The following STXBP5L variants were observed in gnomAD, a reference collection of about 807,000 sequenced individuals.
STXBP5L encodes the protein syntaxin-binding protein 5-like.
A neutral mutation model predicts 144.5 loss-of-function variants in STXBP5L; 65 were observed. The observed-to-expected ratio is 0.45, with a 90% CI of 0.37 to 0.55. The LOEUF is 0.55. Among genes scored for constraint, STXBP5L ranks in the 20% least tolerant of loss-of-function variants. STXBP5L has a pLI of 0.00. For missense variants in STXBP5L, 1,298 were observed against 1,405.5 expected, an observed-to-expected ratio of 0.92 and a Z score of 1.22; for synonymous variants, 505 against 469.6, an observed-to-expected ratio of 1.08 and a Z score of -0.97.
rs2107570705 is a variant in STXBP5L, at chr3:120,917,259, G to A, written c.189+7492G>A. 2.6e-5 allele frequency among the ~76,000 whole-genome samples: 4 copies of A among 151,692 alleles called. No homozygotes were observed. The South Asian group carries it at 8.3e-4, about 32-fold the overall frequency. On this transcript the variant is annotated intron_variant, in intron 2 of 26. Coordinates refer to ENST00000471454, the MANE Select transcript of STXBP5L (RefSeq NM_001308330.2). ...ATTAGGCCAAGAGGAAATTGATTAG[G>A]GTAAACATATTTTCAGTAAGGTGAT...
At chr3:121,090,702 G>T (rs2042736804) in intron 5 of STXBP5L, among the ~76,000 whole-genome samples, 1 of 152,038 alleles carries the variant, frequency 6.6e-6, no homozygotes, top group African/African-American at 2.4e-5. Context: ...TAATAACATT[G>T]TTGATCATGT....
chr3:121,263,554 A>G lies in STXBP5L; in HGVS notation c.1958+4386A>G, dbSNP rs112856252. Among the ~76,000 whole-genome samples the G allele has an allele frequency of 2.1e-3, 318 of 152,282 alleles. 2 individuals are homozygous for G. Among genetic ancestry groups the G allele is most frequent in the African/African-American group, 7.1e-3 (297 of 41,570 alleles). Reference sequence around the variant, plus strand: ...AAAGGAGCATGTTCTAACCCAATGCAGGGAAGCTAAGAACCTTGAGAAAAG... The same window carrying G: ...AAAGGAGCATGTTCTAACCCAATGCGGGGAAGCTAAGAACCTTGAGAAAAG... On this transcript the variant is annotated intron_variant, in intron 18 of 26. Coordinates refer to ENST00000471454, the MANE Select transcript of STXBP5L (RefSeq NM_001308330.2).
intron 11 of STXBP5L, among the ~76,000 whole-genome samples, chr3:121,231,778 TAAATA>T (rs1403098605): frequency 2.6e-5 from 4 of 152,200 alleles, no homozygotes; most frequent in Non-Finnish European, 5.9e-5. Context: ...GTCCCTCTAT[TAAATA>T]ATTTTCTAAT....
At position 121,373,832 on chromosome 3, in the gene STXBP5L, C is replaced by G. The variant is rs1278839902; in HGVS notation, c.2177-4884C>G. On this transcript the variant is annotated intron_variant, in intron 20 of 26. Coordinates refer to ENST00000471454, the MANE Select transcript of STXBP5L (RefSeq NM_001308330.2). ...ACTGGTCCTACTGGCCTGATGACAC[C>G]ACCAGTCTCTGTGCACTCCACTCAG... Among the ~76,000 whole-genome samples, 3 of 152,162 alleles carry G rather than the reference C, an allele frequency of 2.0e-5. No homozygotes were observed. The East Asian group carries it at 5.8e-4, about 29-fold the overall frequency.
intron 20 of STXBP5L, among the ~76,000 whole-genome samples, chr3:121,355,371 G>A (rs760228365): frequency 1.3e-5 from 2 of 152,064 alleles, no homozygotes; most frequent in African/African-American, 2.4e-5. Flanking sequence ...ATTTCTTGGA[G>A]GCTTTGTTCA....
intron 9 of STXBP5L, among the ~76,000 whole-genome samples, chr3:121,165,040 A>G (rs955707459): frequency 5.9e-5 from 9 of 152,220 alleles, no homozygotes; most frequent in African/African-American, 2.2e-4. Context: ...TGCCACCAAA[A>G]AAATGGTTAA....
At chr3:120,926,899 T>A (rs571656664) in intron 2 of STXBP5L, among the ~76,000 whole-genome samples, 271 of 152,012 alleles carry the variant, frequency 1.8e-3, no homozygotes, top group Non-Finnish European at 3.1e-3. Context: ...ATCATTTCAA[T>A]CTTTTTGTTA....
intron 20 of STXBP5L, among the ~76,000 whole-genome samples, chr3:121,344,049 A>G (rs2044845007): frequency 6.6e-6 from 1 of 152,060 alleles, no homozygotes; most frequent in Non-Finnish European, 1.5e-5. Flanking sequence ...ACCAAAACAG[A>G]GATATAGATC....
rs114443842 is a variant in STXBP5L, at chr3:121,034,662, C to T, written c.288-7038C>T. ...GATTGATTCCATGTATCTGCTATTG[C>T]GAATAGTGCTGCAATAAACTTATAA... On this transcript the variant is annotated intron_variant, in intron 3 of 26. Transcript: ENST00000471454. Among the ~76,000 whole-genome samples, 1,270 of 152,034 alleles carry T rather than the reference C, an allele frequency of 8.4e-3. 22 individuals are homozygous for T. The highest frequency in any genetic ancestry group is 0.028 in the African/African-American group (1,178 of 41,512).
At chr3:121,317,853 G>A (rs1276712738) in intron 19 of STXBP5L, among the ~76,000 whole-genome samples, 2 of 151,856 alleles carry the variant, frequency 1.3e-5, no homozygotes, top group East Asian at 3.8e-4. Flanking sequence ...ACAAAACACA[G>A]TATGTAATAT....
chr3:121,105,582 G>A (rs971999818), intron 5 of STXBP5L, among the ~76,000 whole-genome samples: 1 of 151,990 alleles, frequency 6.6e-6, no homozygotes. Flanking sequence ...GTGGTGAAAA[G>A]GAAACACTTC....
At chr3:121,050,651 CA>C (rs1271219092) in intron 5 of STXBP5L, among the ~76,000 whole-genome samples, 1 of 152,106 alleles carries the variant, frequency 6.6e-6, no homozygotes, top group Non-Finnish European at 1.5e-5. Context: ...TAAAGACCAT[CA>C]AGGCTAGGAA....
In STXBP5L at chr3:121,384,996, C is replaced by T. The variant is rs1035376719; in HGVS notation, c.2587+3464C>T. Among the ~76,000 whole-genome samples the T allele has an allele frequency of 1.3e-4, 19 of 151,942 alleles. No homozygotes were observed. In the South Asian group the frequency reaches 1.7e-3, roughly 13 times the overall value. On this transcript the variant is annotated intron_variant, in intron 22 of 26. Coordinates refer to ENST00000471454, the MANE Select transcript of STXBP5L (RefSeq NM_001308330.2). ...ATGATCAGTTCTGCCATACAAAGTA[C>T]CTAGCATGCTTTGTAACATATATAA...
intron 3 of STXBP5L, among the ~76,000 whole-genome samples, chr3:120,960,769 G>T (rs1466526511): frequency 6.6e-6 from 1 of 152,060 alleles, no homozygotes; most frequent in Non-Finnish European, 1.5e-5. Context: ...GTGGGGTGGG[G>T]GCAGGGGGGA....
intron 3 of STXBP5L, among the ~76,000 whole-genome samples, chr3:120,956,841 G>T (rs1160350663): frequency 6.6e-6 from 1 of 151,850 alleles, no homozygotes; most frequent in Non-Finnish European, 1.5e-5. Flanking sequence ...TGAAGTTCAA[G>T]TTGGCTATTT....
intron 3 of STXBP5L, among the ~76,000 whole-genome samples, chr3:120,957,601 G>A (rs552204916): frequency 9.2e-5 from 14 of 152,040 alleles, no homozygotes; most frequent in Admixed American, 5.2e-4. Context: ...TTTTTCTTAA[G>A]AGTTTGAGTA....
chr3:121,314,582 G>T (rs994708823), intron 19 of STXBP5L, among the ~76,000 whole-genome samples: 2 of 77,506 alleles, frequency 2.6e-5, no homozygotes, highest in African/African-American at 4.7e-5. Context: ...GAGGGAGACC[G>T]TGGAGGGAGA....
chr3:121,148,282 C>T (rs1436920928), intron 7 of STXBP5L, among the ~76,000 whole-genome samples: 1 of 151,936 alleles, frequency 6.6e-6, no homozygotes, highest in African/African-American at 2.4e-5. Context: ...AAAGAGAAGG[C>T]ACAAAAAATC....
intron 7 of STXBP5L, among the ~76,000 whole-genome samples, chr3:121,129,299 A>G (rs1199788352): frequency 1.3e-5 from 2 of 152,064 alleles, no homozygotes; most frequent in Non-Finnish European, 2.9e-5. Context: ...TCCTCTGCCA[A>G]TATTGTAATC....
Sources: gnomAD v4.1 joint callset for allele counts (sites outside exome capture counted in the v4.1 genomes callset) on GRCh38, gnomAD v4.1.1 for gene constraint, MANE v1.5 for transcripts, NCBI Gene and HGNC (gene_info 2026-07-23, HGNC 2026-07-21) for gene names.